CDH8: variants seen among roughly 807,000 people sequenced by gnomAD.
CDH8 encodes the protein cadherin-8.
Under a neutral mutation model 68.1 loss-of-function variants are expected in CDH8, and 17 were observed. The observed-to-expected ratio is 0.25, with a 90% CI of 0.17 to 0.37. The LOEUF is 0.37. Ranked by LOEUF, CDH8 falls within the 10% of genes least tolerant of loss-of-function variation. CDH8 has a pLI of 1.00. For synonymous variants in CDH8, 372 were observed against 365.1 expected, an observed-to-expected ratio of 1.02 and a Z score of -0.21; for missense variants, 763 against 999.3, an observed-to-expected ratio of 0.76 and a Z score of 3.19.
At chr16:61,715,564 C>T (rs1280319578) in intron 9 of CDH8, among the ~76,000 whole-genome samples, 1 of 151,590 alleles carries the variant, frequency 6.6e-6, no homozygotes, top group South Asian at 2.1e-4. Flanking sequence ...TTATTATTAT[C>T]ATATTTATTA....
At chr16:61,741,235 A>C (rs1959864311) in intron 8 of CDH8, among the ~76,000 whole-genome samples, 1 of 152,166 alleles carries the variant, frequency 6.6e-6, no homozygotes, top group Admixed American at 6.5e-5. Flanking sequence ...TTTGTTAATT[A>C]AGTTGCCTAT....
intron 2 of CDH8, among the ~76,000 whole-genome samples, chr16:62,007,793 T>C (rs1901709030): frequency 6.6e-6 from 1 of 152,056 alleles, no homozygotes; most frequent in Non-Finnish European, 1.5e-5. Flanking sequence ...ACTATCCTAC[T>C]CTCTTTCCTT....
rs971144273 is a variant in CDH8, at chr16:61,846,523, T to A, written c.667+10596A>T. Among the ~76,000 whole-genome samples, 4 of 152,152 alleles carry A rather than the reference T, an allele frequency of 2.6e-5. No homozygotes were observed. In the East Asian group the frequency reaches 5.8e-4, roughly 22 times the overall value. On this transcript the variant is annotated intron_variant, in intron 4 of 11. Transcript: ENST00000577390. ...CAAGGTGTTTAGAGTACCTGTCTTCTTTTCCTTTGTCCAGACTCCTCTACA... is the reference window on the plus strand; with the variant it reads ...CAAGGTGTTTAGAGTACCTGTCTTCATTTCCTTTGTCCAGACTCCTCTACA...
At chr16:61,675,902 A>C (rs1336394602) in intron 10 of CDH8, among the ~76,000 whole-genome samples, 2 of 151,336 alleles carry the variant, frequency 1.3e-5, no homozygotes, top group Non-Finnish European at 3.0e-5. Flanking sequence ...TAATAATAAA[A>C]GAGCTATTAC....
Position 61,648,035 on chromosome 16 carries a change from C to A in CDH8, c.*5573G>T. Reference sequence around the variant, plus strand: ...AAGGCACTATTTTCACCAGCAAATGCCTACTAACCTTGAGACCTAGATGAA... The same window carrying A: ...AAGGCACTATTTTCACCAGCAAATGACTACTAACCTTGAGACCTAGATGAA... On this transcript the variant is annotated 3_prime_UTR_variant, in exon 12 of 12. Transcript: ENST00000577390. 5.3e-6 allele frequency: 3 copies of A among 563,588 alleles called. No homozygotes were observed. The highest frequency in any genetic ancestry group is 4.4e-4 in the Middle Eastern group (1 of 2,272). 34.9% of individuals were successfully genotyped at this position (563,588 alleles called of 1,614,324 possible).
intron 8 of CDH8, among the ~76,000 whole-genome samples, chr16:61,739,733 A>G (rs1332835652): frequency 1.4e-5 from 2 of 142,778 alleles, no homozygotes; most frequent in African/African-American, 2.5e-5. Flanking sequence ...GCCTCAAAAA[A>G]AAAAAGAAAA....
At chr16:61,914,336 A>C (rs1964204227) in intron 2 of CDH8, among the ~76,000 whole-genome samples, 1 of 152,204 alleles carries the variant, frequency 6.6e-6, no homozygotes. Flanking sequence ...TTATAGATGC[A>C]AAATGATGGC....
intron 10 of CDH8, chr16:61,693,076 A>G (rs1019928047): frequency 2.0e-5 from 3 of 152,214 alleles, no homozygotes; most frequent in African/African-American, 7.2e-5. Flanking sequence ...TTAATAACTC[A>G]TAATAATGTG....
chr16:61,674,309 T>C (rs940866141), intron 10 of CDH8, among the ~76,000 whole-genome samples: 2 of 151,620 alleles, frequency 1.3e-5, no homozygotes, highest in Non-Finnish European at 2.9e-5. Flanking sequence ...AAAAAATTAT[T>C]TGGGCGTGGT....
chr16:61,767,493 A>T (rs1316627414), intron 8 of CDH8, among the ~76,000 whole-genome samples: 2 of 151,954 alleles, frequency 1.3e-5, no homozygotes, highest in South Asian at 2.1e-4. Context: ...TCGCTGTAGT[A>T]AAGAATAAAG....
At chr16:61,828,312 C>T (rs1160717652) in intron 4 of CDH8, among the ~76,000 whole-genome samples, 2 of 151,898 alleles carry the variant, frequency 1.3e-5, no homozygotes, top group South Asian at 2.1e-4. Context: ...TAAGCATAAA[C>T]ATGGGCAACC....
intron 7 of CDH8, among the ~76,000 whole-genome samples, chr16:61,800,816 G>A (rs568816854): frequency 8.3e-6 from 1 of 121,124 alleles, no homozygotes; most frequent in Admixed American, 8.2e-5. Flanking sequence ...AGTCAAATCT[G>A]ATTGTCCTTA....
intron 10 of CDH8, among the ~76,000 whole-genome samples, chr16:61,697,332 C>T (rs1028216487): frequency 5.3e-5 from 8 of 152,036 alleles, no homozygotes; most frequent in Non-Finnish European, 1.0e-4. Flanking sequence ...GAGAACATGT[C>T]ACCCTTATGC....
chr16:61,913,545 G>A (rs903658500), intron 2 of CDH8, among the ~76,000 whole-genome samples: 2 of 152,100 alleles, frequency 1.3e-5, no homozygotes, highest in African/African-American at 4.8e-5. Context: ...TGCCTAGTAT[G>A]CCATCGGGTC....
intron 10 of CDH8, among the ~76,000 whole-genome samples, chr16:61,709,132 T>G (rs1273624597): frequency 1.3e-5 from 2 of 152,072 alleles, no homozygotes; most frequent in South Asian, 2.1e-4. Context: ...TAAAGGACAC[T>G]TGAACAAGAG....
At chr16:61,749,715 A>G (rs183559828) in intron 8 of CDH8, among the ~76,000 whole-genome samples, 10 of 151,952 alleles carry the variant, frequency 6.6e-5, no homozygotes, top group African/African-American at 2.4e-4. Flanking sequence ...TCCCCGTTTT[A>G]TTTTGCTCTG....
intron 4 of CDH8, among the ~76,000 whole-genome samples, chr16:61,856,772 T>TAA (rs1376283796): frequency 1.3e-5 from 2 of 152,150 alleles, no homozygotes; most frequent in East Asian, 3.9e-4. Flanking sequence ...AATTGGAACT[T>TAA]AGATACTTTT....
chr16:61,654,123 A>G (rs768494561), intron 11 of CDH8, 22 bp from the exon 12 acceptor site: 13 of 1,595,402 alleles, frequency 8.1e-6, no homozygotes, highest in Non-Finnish European at 1.1e-5. Flanking sequence ...ATATTAAATA[A>G]CAGTCAGCCA....
At chr16:61,875,489 G>A (rs1041657848) in intron 3 of CDH8, among the ~76,000 whole-genome samples, 3 of 152,052 alleles carry the variant, frequency 2.0e-5, no homozygotes, top group Non-Finnish European at 2.9e-5. Context: ...GAGCAGGAAC[G>A]GGACTATTAT....
Sources: gnomAD v4.1 joint callset for allele counts (sites outside exome capture counted in the v4.1 genomes callset) on GRCh38, gnomAD v4.1.1 for gene constraint, MANE v1.5 for transcripts, NCBI Gene and HGNC (gene_info 2026-07-23, HGNC 2026-07-21) for gene names.